SYN3: variants seen among roughly 807,000 people sequenced by gnomAD.
The protein encoded by SYN3 is synapsin III, also known as synapsin-3.
A neutral mutation model predicts 65.8 loss-of-function variants in SYN3; 35 were observed. That is an observed-to-expected ratio of 0.53 (90% CI 0.41 to 0.70). The LOEUF (loss-of-function observed/expected upper bound fraction) is 0.70. SYN3 is among the 30% of genes least tolerant of loss of function. The pLI is 0.00. For synonymous variants in SYN3, 270 were observed against 292.9 expected (o/e 0.92, Z 0.80); for missense variants, 680 against 749.0 (o/e 0.91, Z 1.08).
chr22:32,779,416 C>T (rs1157901337), intron 6 of SYN3, among the ~76,000 whole-genome samples: 6 of 152,226 alleles, frequency 3.9e-5, no homozygotes, highest in South Asian at 2.1e-4. Flanking sequence ...GCCGAGATGG[C>T]GCCACTGCAC....
At chr22:33,044,010 G>A (rs1177487580) in intron 1 of SYN3, among the ~76,000 whole-genome samples, 1 of 151,576 alleles carries the variant, frequency 6.6e-6, no homozygotes, top group Non-Finnish European at 1.5e-5. Context: ...CCGAGATTGT[G>A]CCACTGCACA....
chr22:32,663,306 TC>T (rs1250832469), intron 6 of SYN3, among the ~76,000 whole-genome samples: 21 of 130,242 alleles, frequency 1.6e-4, no homozygotes, highest in East Asian at 4.3e-4. Flanking sequence ...TCTTTTCTTC[TC>T]TTTTTTTTTT....
chr22:33,036,065 C>T (rs772411276), intron 1 of SYN3, among the ~76,000 whole-genome samples: 4 of 152,184 alleles, frequency 2.6e-5, no homozygotes, highest in Non-Finnish European at 4.4e-5. Context: ...GGAGATTTAC[C>T]GGGCACTAAG....
At chr22:33,020,583 A>C (rs1348212953) in intron 1 of SYN3, among the ~76,000 whole-genome samples, 1 of 152,204 alleles carries the variant, frequency 6.6e-6, no homozygotes, top group Admixed American at 6.5e-5. Context: ...AGGTGACTCT[A>C]TTGATGATAC....
chr22:32,864,898 TA>T lies in SYN3; in HGVS notation c.711+16del. 1 of 1,608,250 alleles carries T rather than the reference TA, an allele frequency of 6.2e-7. No homozygotes were observed. The highest frequency in any genetic ancestry group is 8.5e-7 in the Non-Finnish European group (1 of 1,175,120). On this transcript the variant is annotated intron_variant, in intron 6 of 13. Transcript: ENST00000358763. ...TTCCGCATCATGCAAAGAAACAGAG[TA>T]AAAAAGGGCACTCACCATTGGCTTA...
At chr22:32,561,165 A>G (rs982002765) in intron 7 of SYN3, among the ~76,000 whole-genome samples, 2 of 152,188 alleles carry the variant, frequency 1.3e-5, no homozygotes, top group African/African-American at 4.8e-5. Context: ...GGATGGGAAC[A>G]GAGACCCCTG....
intron 7 of SYN3, among the ~76,000 whole-genome samples, chr22:32,570,119 G>A (rs777879152): frequency 2.0e-5 from 3 of 152,138 alleles, no homozygotes; most frequent in Non-Finnish European, 2.9e-5. Flanking sequence ...CATAGCTTCC[G>A]AGGTCGATTA....
intron 6 of SYN3, among the ~76,000 whole-genome samples, chr22:32,684,015 C>T (rs1157276159): frequency 6.6e-6 from 1 of 152,172 alleles, no homozygotes; most frequent in Non-Finnish European, 1.5e-5. Flanking sequence ...CACTAGTATT[C>T]ATTCCTAAAA....
At chr22:33,057,075 A>C (rs1307256898) in intron 1 of SYN3, among the ~76,000 whole-genome samples, 1 of 152,222 alleles carries the variant, frequency 6.6e-6, no homozygotes, top group Non-Finnish European at 1.5e-5. Context: ...TCCAGAAGCC[A>C]GGGAGCAGGG....
chr22:32,950,266 C>T (rs981474369), intron 3 of SYN3, among the ~76,000 whole-genome samples: 11 of 152,138 alleles, frequency 7.2e-5, no homozygotes, highest in African/African-American at 1.9e-4. Flanking sequence ...CTTCAGACCC[C>T]GTGGTCTGTT....
chr22:32,752,943 G>A (rs997050915), intron 6 of SYN3, among the ~76,000 whole-genome samples: 13 of 152,114 alleles, frequency 8.5e-5, no homozygotes, highest in African/African-American at 3.1e-4. Context: ...AGGGAAAACC[G>A]AGCACTCTGG....
At chr22:32,937,741 A>G (rs2146733533) in intron 3 of SYN3, among the ~76,000 whole-genome samples, 1 of 152,188 alleles carries the variant, frequency 6.6e-6, no homozygotes, top group Admixed American at 6.5e-5. Flanking sequence ...GGTGGGGCAC[A>G]GAGCCAAACC....
rs133952 is a variant in SYN3, at chr22:33,014,073, T to TAA, written c.-162-7251_-162-7250dup. Reference sequence around the variant, plus strand: ...ACGTGTACTAAGATGCCCAGCTAGTTAAAAAAAAAAAAAAAAAAAAATTAG... The same window carrying TAA: ...ACGTGTACTAAGATGCCCAGCTAGTTAAAAAAAAAAAAAAAAAAAAAAATTAG... On this transcript the variant is annotated intron_variant, in intron 1 of 13. Transcript: ENST00000358763. Among the ~76,000 whole-genome samples the TAA allele has an allele frequency of 1.3e-3, 174 of 129,794 alleles. 3 individuals carry two copies. The East Asian group carries it at 0.021, about 16-fold the overall frequency. The allele number at this position is 129,794 out of a possible 152,430, so 85.1% of individuals were successfully genotyped here.
chr22:32,511,549 A>G lies in SYN3; in HGVS notation c.*2143T>C, dbSNP rs1181038699. On this transcript the variant is annotated 3_prime_UTR_variant, in exon 14 of 14. Transcript: ENST00000358763. Reference sequence around the variant, plus strand: ...AGAGTGAGCTCCAGACATGCCAGACATGCAGGGACTGTCCTATAACATGGA... The same window carrying G: ...AGAGTGAGCTCCAGACATGCCAGACGTGCAGGGACTGTCCTATAACATGGA... 6.6e-6 allele frequency among the ~76,000 whole-genome samples: 1 copy of G among 152,230 alleles called. No homozygotes were observed. The highest frequency in any genetic ancestry group is 1.5e-5 in the Non-Finnish European group (1 of 68,044).
intron 6 of SYN3, among the ~76,000 whole-genome samples, chr22:32,628,819 T>G (rs1227878332): frequency 6.6e-6 from 1 of 152,060 alleles, no homozygotes; most frequent in Non-Finnish European, 1.5e-5. Context: ...CCCTGTAAGC[T>G]GTGCTGGCCG....
intron 7 of SYN3, among the ~76,000 whole-genome samples, chr22:32,592,566 G>A (rs2059142692): frequency 6.6e-6 from 1 of 151,906 alleles, no homozygotes; most frequent in Admixed American, 6.6e-5. Flanking sequence ...AAATCTCCAG[G>A]CACACCCAAT....
intron 1 of SYN3, chr22:33,015,354 C>A: frequency 1.7e-6 from 1 of 592,258 alleles, no homozygotes. Context: ...GATCAAAGAA[C>A]TTACTGTACA....
chr22:32,689,543 A>G (rs943978444), intron 6 of SYN3, among the ~76,000 whole-genome samples: 1 of 152,134 alleles, frequency 6.6e-6, no homozygotes, highest in South Asian at 2.1e-4. Flanking sequence ...TCTCCTGGGG[A>G]GGCACAAATA....
At chr22:32,599,163 T>C (rs1207038700) in intron 6 of SYN3, among the ~76,000 whole-genome samples, 2 of 152,220 alleles carry the variant, frequency 1.3e-5, no homozygotes, top group Non-Finnish European at 2.9e-5. Flanking sequence ...TCTTTCCACT[T>C]AATATTATGT....
Sources: allele counts gnomAD v4.1 joint callset (sites outside exome capture counted in the v4.1 genomes callset), GRCh38; gene constraint gnomAD v4.1.1; transcripts MANE v1.5; gene names NCBI Gene and HGNC (gene_info 2026-07-23, HGNC 2026-07-21).